CATSPER1: variants seen among roughly 807,000 people sequenced by gnomAD.
CATSPER1 encodes the protein cation channel sperm-associated protein 1.
In CATSPER1, 57 loss-of-function variants were observed where a neutral mutation model predicts 72.7. The observed-to-expected ratio is 0.78, with a 90% CI of 0.63 to 0.98. The LOEUF (loss-of-function observed/expected upper bound fraction) is 0.98. CATSPER1 is among the 50% of genes least tolerant of loss of function. The pLI, the probability that CATSPER1 is intolerant of heterozygous loss-of-function variation, is 0.00. For missense variants in CATSPER1, 910 were observed against 1,033.9 expected, an observed-to-expected ratio of 0.88 and a Z score of 1.64; for synonymous variants, 363 against 403.0, an observed-to-expected ratio of 0.90 and a Z score of 1.19.
chr11:66,017,696 T>C (rs1209125226), intron 10 of CATSPER1, among the ~76,000 whole-genome samples: 1 of 151,996 alleles, frequency 6.6e-6, no homozygotes, highest in Non-Finnish European at 1.5e-5. Context: ...TGTCAACCCA[T>C]TCATCAAAGA....
In CATSPER1 at chr11:66,025,323, C is replaced by G. The variant is rs1191715; in HGVS notation, c.1057G>C (p.Val353Leu). ...TGAGCCGAGCCCCGTGGGTGTGCTA[C>G]GTGATAGGGGAAGACTCCTGTACGA... is the stretch of plus-strand genomic sequence containing the variant. ...ASRTGVFPYH[V>L]AHPRGSAHSM... is the part of the protein sequence containing the mutation. The change falls in exon 1 of 12, where the codon GTA becomes CTA. Residue 353 changes from valine to leucine, a missense_variant. Val to Leu is a conservative substitution (Grantham distance 32, BLOSUM62 1). Transcript: ENST00000312106. 6.2e-7 allele frequency: 1 copy of G among 1,613,890 alleles called. No individual in the cohort carries two copies. Among genetic ancestry groups the G allele is most frequent in the African/African-American group, 1.3e-5 (1 of 74,840 alleles).
chr11:66,019,878 C>T (rs957137236), intron 9 of CATSPER1, among the ~76,000 whole-genome samples: 1 of 139,010 alleles, frequency 7.2e-6, no homozygotes, highest in Non-Finnish European at 1.5e-5. Flanking sequence ...GATTGCAGCA[C>T]CGCACTCCAG....
rs763741537 is a variant in CATSPER1 at position 66,020,878 on chromosome 11, G to A, written c.1860C>T (p.Ile620=). 6.2e-7 allele frequency: 1 copy of A among 1,614,040 alleles called. No homozygotes were observed. The highest frequency in any genetic ancestry group is 2.2e-5 in the East Asian group (1 of 44,884). The change falls in exon 6 of 12, where the codon ATC becomes ATT. Residue 620 remains isoleucine, a synonymous_variant. Coordinates refer to ENST00000312106, the MANE Select transcript of CATSPER1 (RefSeq NM_053054.4). The surrounding 1 kb of genome is among the most constrained non-coding windows in gnomAD (Gnocchi z 4.5). ...PKRFQNIFTT[I]FTLFTLLTLD... Reference sequence around the variant, plus strand: ...GCGTGAGCAAGGTGAAGAGGGTGAAGATGGTGGTGAAGATGTTCTGGAAGC... The same window carrying A: ...GCGTGAGCAAGGTGAAGAGGGTGAAAATGGTGGTGAAGATGTTCTGGAAGC...
rs780145838 is a variant in CATSPER1 at position 66,022,843 on chromosome 11, T to C, written c.1429+6A>G. On this transcript the variant is annotated splice_donor_region_variant and intron_variant, in intron 2 of 11. Transcript: ENST00000312106. ...CTCCATGGGAACAGGACTCCCTGGC[T>C]CTTACCGCCCCGGATCTCGACTTCA... 6 of 1,614,016 alleles carry C rather than the reference T, an allele frequency of 3.7e-6. No individual in the cohort carries two copies. The African/African-American group carries it at 8.0e-5, about 22-fold the overall frequency.
intron 3 of CATSPER1, 42 bp downstream of exon 3, chr11:66,021,724 C>T (rs1856375023): frequency 6.2e-7 from 1 of 1,612,930 alleles, no homozygotes; most frequent in South Asian, 1.1e-5. Context: ...CCCGAGCCTC[C>T]CCCAGACTAA....
At chr11:66,017,710 C>T (rs1856267466) in intron 10 of CATSPER1, among the ~76,000 whole-genome samples, 1 of 152,216 alleles carries the variant, frequency 6.6e-6, no homozygotes, top group Non-Finnish European at 1.5e-5. Context: ...TCAAAGAACA[C>T]TGGAAACAAT....
At chr11:66,021,373 G>A (rs1856364608) in intron 4 of CATSPER1, 123 bp downstream of exon 4, 3 of 1,336,830 alleles carry the variant, frequency 2.2e-6, no homozygotes, top group African/African-American at 2.9e-5. Flanking sequence ...GAAGCAGGCT[G>A]GGGTCAGCAG....
chr11:66,021,549 C>T lies in CATSPER1; in HGVS notation c.1638G>A (p.Lys546=). The T allele has an allele frequency of 6.2e-7, 1 of 1,613,892 alleles. No individual in the cohort carries two copies. The highest frequency in any genetic ancestry group is 8.5e-7 in the Non-Finnish European group (1 of 1,179,952). The change falls in exon 4 of 12, where the codon AAG becomes AAA. Residue 546 remains lysine (K), a synonymous_variant. Transcript: ENST00000312106. ...IYHQSLFRIL[K]VFKSLRALRA... is the part of the protein sequence containing the mutation. ...TCAGGGCCCGCAGGCTCTTGAAGAC[C>T]TTGAGGATCCGGAAGAGGCTTTGGT...
At chr11:66,021,031 C>A in intron 5 of CATSPER1, 63 bp downstream of exon 5, 2 of 1,606,008 alleles carry the variant, frequency 1.2e-6, no homozygotes, top group African/African-American at 1.3e-5. Context: ...CATCCCTGCT[C>A]CCCGCACCCC....
chr11:66,019,414 T>C (rs1856308184), intron 9 of CATSPER1, among the ~76,000 whole-genome samples: 1 of 152,008 alleles, frequency 6.6e-6, no homozygotes, highest in Non-Finnish European at 1.5e-5. Context: ...GTAGCTGTGA[T>C]TACTGGTGCC....
intron 5 of CATSPER1, 24 bp downstream of exon 5, chr11:66,021,070 C>G: frequency 6.2e-7 from 1 of 1,605,650 alleles, no homozygotes; most frequent in African/African-American, 1.3e-5. Flanking sequence ...GGCCCCCACC[C>G]CAGCCCCTGC....
At chr11:66,022,812 T>C in intron 2 of CATSPER1, 37 bp downstream of exon 2, 1 of 1,605,524 alleles carries the variant, frequency 6.2e-7, no homozygotes, top group South Asian at 1.1e-5. Context: ...AGAGCATCGG[T>C]GGCTTCTCCA....
Position 66,016,936 on chromosome 11 carries a change from A to ACCCCTCCAGC in CATSPER1, c.2317-21_2317-20insGCTGGAGGGG. ...TCCAGCCTGCAGGGGTGAGTGGGGC[A>ACCCCTCCAGC]CTGGTGGGTGAATGAGCCAGACTTT... On this transcript the variant is annotated intron_variant, in intron 11 of 11. Transcript: ENST00000312106. The ACCCCTCCAGC allele has an allele frequency of 1.2e-6, 2 of 1,614,032 alleles. No homozygotes were observed. Among genetic ancestry groups the ACCCCTCCAGC allele is most frequent in the South Asian group, 2.2e-5 (2 of 91,086 alleles).
chr11:66,017,523 C>T lies in CATSPER1; in HGVS notation c.2202-349G>A, dbSNP rs1856262925. Among the ~76,000 whole-genome samples the T allele has an allele frequency of 3.3e-5, 5 of 151,774 alleles. No homozygotes were observed. In the South Asian group the frequency reaches 1.0e-3, roughly 32 times the overall value. On this transcript the variant is annotated intron_variant, in intron 10 of 11. Transcript: ENST00000312106. ...ACCCATCTGGCCCTCCAGCCACTCACAACTCACCTCCCCCTCCACCCACCT... is the reference window on the plus strand; with the variant it reads ...ACCCATCTGGCCCTCCAGCCACTCATAACTCACCTCCCCCTCCACCCACCT...
At chr11:66,017,230 G>GC (rs918556814) in intron 10 of CATSPER1, 56 bp from the exon 11 acceptor site, 35 of 1,369,490 alleles carry the variant, frequency 2.6e-5, no homozygotes, top group African/African-American at 1.3e-4. Flanking sequence ...TGCTGGCTGG[G>GC]CCTACTGCAC....
rs772556045 is a variant in CATSPER1 at position 66,020,350 on chromosome 11, C to T, written c.2031G>A (p.Ala677=). The T allele has an allele frequency of 1.1e-5, 18 of 1,613,948 alleles. No individual in the cohort carries two copies. Among genetic ancestry groups the T allele is most frequent in the East Asian group, 4.5e-5 (2 of 44,890 alleles). The change falls in exon 8 of 12, where the codon GCG becomes GCA. Residue 677 remains alanine, a synonymous_variant. Transcript: ENST00000312106. This position sits in a 1 kb window ranked among gnomAD's most constrained non-coding sequence, Gnocchi z 4.5. ...TCGCTTTCTCAAGGCCTTTGAACAG[C>T]GCCGTCTGGAAGCTATCCACCAGGA... ...ITVLVDSFQT[A]LFKGLEKAKQ...
At chr11:66,022,486 G>A (rs1413330239) in intron 2 of CATSPER1, among the ~76,000 whole-genome samples, 1 of 152,260 alleles carries the variant, frequency 6.6e-6, no homozygotes, top group African/African-American at 2.4e-5. Flanking sequence ...GCGTTGGAGG[G>A]CCCAGCCTTC....
chr11:66,017,193 G>GGGGGGGGCCC lies in CATSPER1; in HGVS notation c.2202-20_2202-19insGGGCCCCCCC. ...CTGCTGCCTGCGGGTGGGCGGGGGG[G>GGGGGGGGCCC]TCGCAGAGACAGGGGCTGGGCTGAC... On this transcript the variant is annotated intron_variant, in intron 10 of 11. Transcript: ENST00000312106. The GGGGGGGGCCC allele has an allele frequency of 6.1e-6, 3 of 493,784 alleles. No homozygotes were observed. Among genetic ancestry groups the GGGGGGGGCCC allele is most frequent in the Non-Finnish European group, 1.2e-5 (3 of 252,604 alleles). The allele number at this position is 493,784 out of a possible 1,614,324, so 30.6% of individuals were successfully genotyped here.
At chr11:66,021,731 CTA>C (rs1310295631) in intron 3 of CATSPER1, 33 bp downstream of exon 3, 1 of 1,613,534 alleles carries the variant, frequency 6.2e-7, no homozygotes. Flanking sequence ...CTCCCCCAGA[CTA>C]AACACACGCA....
Sources: gnomAD v4.1 joint callset for allele counts (sites outside exome capture counted in the v4.1 genomes callset) on GRCh38, gnomAD v4.1.1 for gene constraint, Gnocchi (gnomAD v3.1) non-coding constraint, MANE v1.5 for transcripts, NCBI Gene and HGNC (gene_info 2026-07-23, HGNC 2026-07-21) for gene names.